The following SPESP1 variants were observed in gnomAD, a reference collection of about 807,000 sequenced individuals.
SPESP1 encodes sperm equatorial segment protein 1.
A neutral mutation model predicts 3.1 loss-of-function variants in SPESP1; 1 was observed. The ratio of observed to expected loss-of-function variants is 0.33; its 90% confidence interval spans 0.12 to 1.54. The LOEUF (loss-of-function observed/expected upper bound fraction) is 1.54, where lower values mean the gene tolerates loss of function less well. Ranked by LOEUF, SPESP1 falls within the 40% of genes most tolerant of loss-of-function variation. The pLI, the probability that SPESP1 is intolerant of heterozygous loss-of-function variation, is 0.38. For missense variants in SPESP1, 398 were observed against 410.1 expected, an observed-to-expected ratio of 0.97 and a Z score of 0.26; for synonymous variants, 138 against 150.7, an observed-to-expected ratio of 0.92 and a Z score of 0.62.
chr15:68,937,391 A>C (rs1355856714), intron 1 of SPESP1, among the ~76,000 whole-genome samples: 1 of 152,224 alleles, frequency 6.6e-6, no homozygotes, highest in Non-Finnish European at 1.5e-5. Context: ...ATACAGTTAG[A>C]ACTGTCTAAA....
intron 1 of SPESP1, among the ~76,000 whole-genome samples, chr15:68,931,030 G>A (rs1895522439): frequency 6.6e-6 from 1 of 152,194 alleles, no homozygotes. Flanking sequence ...GCGTGTGACC[G>A]TGCAGGGGTC....
chr15:68,934,995 C>A (rs1380029391), intron 1 of SPESP1, among the ~76,000 whole-genome samples: 1 of 152,104 alleles, frequency 6.6e-6, no homozygotes, highest in Non-Finnish European at 1.5e-5. Context: ...CCCACTCTAT[C>A]TTTCTCACTC....
rs1436740991 is a variant in SPESP1, at chr15:68,946,087, G to T, written c.553G>T (p.Asp185Tyr). ...ATACAAGTCACCTGTCACCACTTTA[G>T]ATAAGAGCACTGGCATTGGGATCTC... is the stretch of plus-strand genomic sequence containing the variant. ...TSYKSPVTTL[D>Y]KSTGIGISTE... The change falls in exon 2 of 2, where the codon GAT becomes TAT. Residue 185 changes from aspartate to tyrosine, a missense_variant. Physicochemically the swap from Asp to Tyr is radical, Grantham distance 160. Transcript: ENST00000310673. 1 of 1,614,108 alleles carries T rather than the reference G, an allele frequency of 6.2e-7. No individual in the cohort carries two copies. Among genetic ancestry groups the T allele is most frequent in the East Asian group, 2.2e-5 (1 of 44,884 alleles).
In SPESP1 at chr15:68,940,626, T is replaced by C. The variant is rs74752713; in HGVS notation, c.65-4973T>C. Among the ~76,000 whole-genome samples the C allele has an allele frequency of 6.9e-3, 1,049 of 152,260 alleles. 15 individuals are homozygous for C. Among genetic ancestry groups the C allele is most frequent in the African/African-American group, 0.024 (990 of 41,560 alleles). ...GTTGAAGAAACTGGGTCATACATCCTTTAGTTTTTCACAGTCTAGGTTTTG... is the reference window on the plus strand; with the variant it reads ...GTTGAAGAAACTGGGTCATACATCCCTTAGTTTTTCACAGTCTAGGTTTTG... On this transcript the variant is annotated intron_variant, in intron 1 of 1. Transcript: ENST00000310673.
chr15:68,946,027 G>A lies in SPESP1; in HGVS notation c.493G>A (p.Val165Ile), dbSNP rs1297787464. 6.2e-7 allele frequency: 1 copy of A among 1,614,126 alleles called. No individual in the cohort carries two copies. Among genetic ancestry groups the A allele is most frequent in the Non-Finnish European group, 8.5e-7 (1 of 1,180,008 alleles). ...QTEAPRMLPV[V>I]TESSTSPYVT... ...TGAGGCACCAAGAATGTTGCCAGTTGTTACTGAATCATCTACAAGTCCATA... is the reference window on the plus strand; with the variant it reads ...TGAGGCACCAAGAATGTTGCCAGTTATTACTGAATCATCTACAAGTCCATA... The change falls in exon 2 of 2, where the codon GTT becomes ATT. Residue 165 changes from valine (V) to isoleucine (I), a missense_variant. Transcript: ENST00000310673.
At chr15:68,940,386 CA>C (rs946417590) in intron 1 of SPESP1, among the ~76,000 whole-genome samples, 1 of 152,092 alleles carries the variant, frequency 6.6e-6, no homozygotes, top group African/African-American at 2.4e-5. Flanking sequence ...AAGGACTTTA[CA>C]AAACACAAAA....
rs1204815979 is a variant in SPESP1, at chr15:68,944,316, T to C, written c.65-1283T>C. ...AGGAGTATAAATAGAACTACCTTTT[T>C]TTTTTTTTTTTGCTTATCAAAATAT... On this transcript the variant is annotated intron_variant, in intron 1 of 1. Coordinates refer to ENST00000310673, the MANE Select transcript of SPESP1 (RefSeq NM_145658.4). Among the ~76,000 whole-genome samples, 8 of 151,874 alleles carry C rather than the reference T, an allele frequency of 5.3e-5. No homozygotes were observed. The South Asian group carries it at 1.2e-3, about 24-fold the overall frequency.
chr15:68,946,259 T>C lies in SPESP1; in HGVS notation c.725T>C (p.Leu242Pro). 6.2e-7 allele frequency: 1 copy of C among 1,614,102 alleles called. No individual in the cohort carries two copies. The highest frequency in any genetic ancestry group is 1.1e-5 in the South Asian group (1 of 91,064). ...AATTCACAAGTGCAACAGGCACTTCTTAGTGACACCAGCAACCCAGCATAT... is the reference window on the plus strand; with the variant it reads ...AATTCACAAGTGCAACAGGCACTTCCTAGTGACACCAGCAACCCAGCATAT... ...DINSQVQQALLSDTSNPAYRE... is the reference protein window; with the variant it reads ...DINSQVQQALPSDTSNPAYRE... Residue 242 changes from leucine to proline, a missense_variant, in exon 2 of 2, where the codon CTT becomes CCT. By Grantham distance (98) the Leu-to-Pro change is moderately conservative (BLOSUM62 -3). Transcript: ENST00000310673.
chr15:68,946,155 G>GA lies in SPESP1; in HGVS notation c.622dup (p.Ile208AsnfsTer16). The GA allele has an allele frequency of 6.2e-7, 1 of 1,614,110 alleles. No homozygotes were observed. Among genetic ancestry groups the GA allele is most frequent in the South Asian group, 1.1e-5 (1 of 91,078 alleles). On this transcript the variant is annotated frameshift_variant, in exon 2 of 2. Coordinates refer to ENST00000310673, the MANE Select transcript of SPESP1 (RefSeq NM_145658.4). LOFTEE classifies it low-confidence loss of function (END_TRUNC). Reference sequence around the variant, plus strand: ...TTCCTCAGCTCTCAGGTGAAACTGCGATAGAAAAACCCGAAGAGTTTGGAA... The same window carrying GA: ...TTCCTCAGCTCTCAGGTGAAACTGCGAATAGAAAAACCCGAAGAGTTTGGAA...
intron 1 of SPESP1, among the ~76,000 whole-genome samples, chr15:68,939,035 T>C (rs1895752136): frequency 6.6e-6 from 1 of 152,196 alleles, no homozygotes; most frequent in Non-Finnish European, 1.5e-5. Context: ...TTTCTTACCA[T>C]TTCTGTTGTG....
chr15:68,932,638 C>T (rs1895578773), intron 1 of SPESP1, among the ~76,000 whole-genome samples: 4 of 152,260 alleles, frequency 2.6e-5, no homozygotes, highest in East Asian at 1.9e-4. Context: ...ATGATCCATC[C>T]GCCTCGGCCT....
chr15:68,936,436 C>T (rs546368525), intron 1 of SPESP1, among the ~76,000 whole-genome samples: 9 of 152,242 alleles, frequency 5.9e-5, no homozygotes, highest in Non-Finnish European at 8.8e-5. Context: ...GAAGACATTA[C>T]GCTAAGTATA....
rs758343003 is a variant in SPESP1 at position 68,946,072 on chromosome 15, C to T, written c.538C>T (p.Pro180Ser). The T allele has an allele frequency of 1.5e-5, 24 of 1,614,030 alleles. No individual in the cohort carries two copies. The highest frequency in any genetic ancestry group is 1.9e-5 in the Non-Finnish European group (22 of 1,180,024). The change falls in exon 2 of 2, where the codon CCT becomes TCT. Residue 180 changes from proline to serine, a missense_variant. Physicochemically the swap from Pro to Ser is moderately conservative, Grantham distance 74. Transcript: ENST00000310673. ...TSPYVTSYKS[P>S]VTTLDKSTGI... ...TCCATATGTTACCTCATACAAGTCA[C>T]CTGTCACCACTTTAGATAAGAGCAC...
In SPESP1 at chr15:68,931,096, T is replaced by A. The variant is rs574348069; in HGVS notation, c.64+379T>A. ...TTTTTACATTTTCTTCCTTTTTTTTTAATTATTATACTTTAAGTTCTAGGG... is the reference window on the plus strand; with the variant it reads ...TTTTTACATTTTCTTCCTTTTTTTTAAATTATTATACTTTAAGTTCTAGGG... On this transcript the variant is annotated intron_variant, in intron 1 of 1. Transcript: ENST00000310673. Among the ~76,000 whole-genome samples, 424 of 152,226 alleles carry A rather than the reference T, an allele frequency of 2.8e-3. 3 individuals carry two copies. The highest frequency in any genetic ancestry group is 4.9e-3 in the Non-Finnish European group (334 of 68,000).
At chr15:68,942,649 A>G (rs1221971913) in intron 1 of SPESP1, among the ~76,000 whole-genome samples, 1 of 152,180 alleles carries the variant, frequency 6.6e-6, no homozygotes. Flanking sequence ...GTAAGCAGTT[A>G]CCTTTATAAA....
intron 1 of SPESP1, among the ~76,000 whole-genome samples, chr15:68,940,417 T>C (rs909428734): frequency 1.1e-4 from 17 of 152,200 alleles, no homozygotes; most frequent in African/African-American, 3.6e-4. Context: ...TTTTTACTTA[T>C]AAAAATAATT....
At chr15:68,933,442 T>A (rs1895603359) in intron 1 of SPESP1, among the ~76,000 whole-genome samples, 1 of 152,218 alleles carries the variant, frequency 6.6e-6, no homozygotes, top group African/African-American at 2.4e-5. Context: ...TTCCATAGTT[T>A]TAAATACTTT....
At chr15:68,937,516 A>C (rs1008089888) in intron 1 of SPESP1, among the ~76,000 whole-genome samples, 4 of 152,126 alleles carry the variant, frequency 2.6e-5, no homozygotes, top group South Asian at 2.1e-4. Context: ...TAAAAAAAAA[A>C]CAGGATCCAT....
intron 1 of SPESP1, among the ~76,000 whole-genome samples, chr15:68,937,508 A>C (rs1448312204): frequency 6.7e-6 from 1 of 150,104 alleles, no homozygotes; most frequent in Non-Finnish European, 1.5e-5. Flanking sequence ...ATTTCTTCTA[A>C]AAAAAAAACA....
Sources: allele counts gnomAD v4.1 joint callset (sites outside exome capture counted in the v4.1 genomes callset), GRCh38; gene constraint gnomAD v4.1.1; transcripts MANE v1.5; gene names NCBI Gene and HGNC (gene_info 2026-07-23, HGNC 2026-07-21).